The following JPH3 variants were observed in gnomAD, a reference collection of about 807,000 sequenced individuals.
The protein encoded by JPH3 is junctophilin 3, also known as junctophilin-3.
A neutral mutation model predicts 59.6 loss-of-function variants in JPH3; 11 were observed. The observed-to-expected ratio is 0.18, with a 90% confidence interval of 0.12 to 0.31. The LOEUF (loss-of-function observed/expected upper bound fraction) is 0.31, where lower values mean the gene tolerates loss of function less well. Ranked by LOEUF, JPH3 falls within the 10% of genes least tolerant of loss-of-function variation. JPH3 has a pLI of 1.00. For synonymous variants in JPH3, 673 were observed against 483.6 expected, an observed-to-expected ratio of 1.39 and a Z score of -5.14; for missense variants, 1,202 against 1,105.7, an observed-to-expected ratio of 1.09 and a Z score of -1.24.
chr16:87,641,416 C>T (rs2031946576), intron 1 of JPH3, among the ~76,000 whole-genome samples: 1 of 152,158 alleles, frequency 6.6e-6, no homozygotes, highest in Non-Finnish European at 1.5e-5. Flanking sequence ...AGCTGCCTCC[C>T]CAAGCAGCTT....
rs182918097 is a variant in JPH3 at position 87,683,963 on chromosome 16, T to C, written c.1161-179T>C. On this transcript the variant is annotated intron_variant, in intron 2 of 4. Coordinates refer to ENST00000284262, the MANE Select transcript of JPH3 (RefSeq NM_020655.4). ...GGCCTGGTTGGTTGATGCTCAGTGA[T>C]GTTTATTGAATGAATGAATGAATGA... is the stretch of plus-strand genomic sequence containing the variant. The C allele has an allele frequency of 4.6e-4, 279 of 602,360 alleles. 1 individual carries two copies. Among genetic ancestry groups the C allele is most frequent in the African/African-American group, 4.6e-3 (248 of 53,972 alleles). The allele number at this position is 602,360 out of a possible 1,614,324, so 37.3% of individuals were successfully genotyped here. A position where few individuals can be genotyped will look rare whatever the true frequency, so the allele number is the denominator to read the frequency against.
At chr16:87,694,967 T>C (rs1313292693) in intron 4 of JPH3, 2 of 285,840 alleles carry the variant, frequency 7.0e-6, no homozygotes, top group African/African-American at 2.2e-5. Flanking sequence ...GACAGCTGGC[T>C]CTGCTTCCAC....
At chr16:87,664,014 G>T (rs1327314414) in intron 2 of JPH3, among the ~76,000 whole-genome samples, 2 of 152,178 alleles carry the variant, frequency 1.3e-5, no homozygotes, top group African/African-American at 4.8e-5. Flanking sequence ...GAGGAAATAT[G>T]CGCTGAAGTA....
chr16:87,664,164 T>C (rs186600178), intron 2 of JPH3, among the ~76,000 whole-genome samples: 3 of 151,946 alleles, frequency 2.0e-5, no homozygotes, highest in African/African-American at 4.8e-5. Context: ...ACCTCGTCTC[T>C]ACTAAAAATA....
At chr16:87,604,039 G>A in intron 1 of JPH3, 2 of 968,914 alleles carry the variant, frequency 2.1e-6, no homozygotes, top group Non-Finnish European at 2.5e-6. Context: ...GGAGCGCTAG[G>A]GGCGGGGGAT....
Position 87,645,001 on chromosome 16 carries a change from A to C in JPH3, c.1126A>C (p.Ile376Leu), listed in dbSNP as rs566359692. The C allele has an allele frequency of 1.9e-6, 3 of 1,606,726 alleles. No individual in the cohort carries two copies. The East Asian group carries it at 6.7e-5, about 36-fold the overall frequency. ...TGAGGCCGCTGAGCGGGCCGCCACC[A>C]TCGCCAAGCAGAAGGCTGAGATCGC... Reference protein sequence around the residue: ...AVEAAERAATIAKQKAEIAAS... With the variant: ...AVEAAERAATLAKQKAEIAAS... The change falls in exon 2 of 5, where the codon ATC becomes CTC. Residue 376 changes from isoleucine to leucine, a missense_variant. By Grantham distance (5) the Ile-to-Leu change is conservative (BLOSUM62 2). Transcript: ENST00000284262.
intron 2 of JPH3, chr16:87,653,567 AATTT>A (rs2032396336): frequency 6.6e-6 from 1 of 152,176 alleles, no homozygotes; most frequent in African/African-American, 2.4e-5. Flanking sequence ...TAGTTTTTAA[AATTT>A]ATTTCTCATT....
intron 4 of JPH3, chr16:87,696,175 C>G: frequency 2.2e-6 from 1 of 453,598 alleles, no homozygotes; most frequent in Non-Finnish European, 4.4e-6. Context: ...GCGGGCCCTT[C>G]TGAGATTCTG....
At chr16:87,647,498 A>T (rs2032190943) in intron 2 of JPH3, among the ~76,000 whole-genome samples, 1 of 152,188 alleles carries the variant, frequency 6.6e-6, no homozygotes, top group Admixed American at 6.5e-5. Flanking sequence ...GAGGCCCAGC[A>T]GCCCATGCTC....
intron 1 of JPH3, among the ~76,000 whole-genome samples, chr16:87,628,898 A>G (rs116041768): frequency 6.6e-6 from 1 of 152,128 alleles, no homozygotes; most frequent in African/African-American, 2.4e-5. Flanking sequence ...CAGTGGACAG[A>G]GTGTCAGGTA....
intron 2 of JPH3, among the ~76,000 whole-genome samples, chr16:87,665,051 G>A (rs927464852): frequency 6.6e-6 from 1 of 152,242 alleles, no homozygotes; most frequent in African/African-American, 2.4e-5. Context: ...TCCTTGAACG[G>A]ATAAACAGGA....
Position 87,697,142 on chromosome 16 carries a change from G to A in JPH3, c.*482G>A. ...TAGAACAGACGGGTGACAAGTATGG[G>A]CAGGAGGCATGGGGCAGGGTGGCCC... is the stretch of plus-strand genomic sequence containing the variant. On this transcript the variant is annotated 3_prime_UTR_variant, in exon 5 of 5. Transcript: ENST00000284262. The A allele has an allele frequency of 5.0e-6, 1 of 200,268 alleles. No individual in the cohort carries two copies. The highest frequency in any genetic ancestry group is 1.0e-5 in the Non-Finnish European group (1 of 96,848). The allele number at this position is 200,268 out of a possible 1,614,324, so 12.4% of individuals were successfully genotyped here.
chr16:87,681,708 C>T (rs769452496), intron 2 of JPH3, among the ~76,000 whole-genome samples: 16 of 152,096 alleles, frequency 1.1e-4, no homozygotes, highest in Middle Eastern at 3.4e-3. Context: ...GTGATTGTTC[C>T]GGAAGGTCAA....
chr16:87,616,049 T>C (rs2030944071), intron 1 of JPH3, among the ~76,000 whole-genome samples: 2 of 152,234 alleles, frequency 1.3e-5, no homozygotes, highest in South Asian at 4.1e-4. Context: ...CAGAGAGCCC[T>C]GTGGCTGCCG....
chr16:87,695,799 GA>G, intron 4 of JPH3: 1 of 456,088 alleles, frequency 2.2e-6, no homozygotes, highest in Non-Finnish European at 4.4e-6. Context: ...GGCGCCCCCG[GA>G]AAAGGCTCTG....
At chr16:87,635,409 G>T (rs2031705994) in intron 1 of JPH3, among the ~76,000 whole-genome samples, 1 of 152,198 alleles carries the variant, frequency 6.6e-6, no homozygotes. Flanking sequence ...TGCAGGCCCT[G>T]GTGAGAGACA....
At chr16:87,682,565 G>C (rs2033321564) in intron 2 of JPH3, among the ~76,000 whole-genome samples, 1 of 152,164 alleles carries the variant, frequency 6.6e-6, no homozygotes, top group Non-Finnish European at 1.5e-5. Context: ...TGCTGTCCAG[G>C]ACCCAGAAAG....
intron 2 of JPH3, among the ~76,000 whole-genome samples, chr16:87,646,735 C>T (rs1056581034): frequency 8.6e-5 from 13 of 152,024 alleles, no homozygotes; most frequent in African/African-American, 2.7e-4. Context: ...AGCGGCGTCA[C>T]GGAATTGAGG....
chr16:87,616,660 G>A (rs1054180146), intron 1 of JPH3, among the ~76,000 whole-genome samples: 19 of 152,120 alleles, frequency 1.2e-4, no homozygotes, highest in East Asian at 9.6e-4. Flanking sequence ...GGTCTCTCCC[G>A]AGGTGGCATC....
Sources: gnomAD v4.1 joint callset for allele counts (sites outside exome capture counted in the v4.1 genomes callset) on GRCh38, gnomAD v4.1.1 for gene constraint, MANE v1.5 for transcripts, NCBI Gene and HGNC (gene_info 2026-07-23, HGNC 2026-07-21) for gene names.